CADM2: variants seen among roughly 807,000 people sequenced by gnomAD.
CADM2 encodes immunoglobulin superfamily member 4D.
Under a neutral mutation model 49.8 loss-of-function variants are expected in CADM2, and 12 were observed. The observed-to-expected ratio is 0.24, with a 90% CI of 0.15 to 0.39. CADM2 has a LOEUF of 0.39. Ranked by LOEUF, CADM2 falls within the 10% of genes least tolerant of loss-of-function variation. CADM2 has a pLI of 1.00. For synonymous variants in CADM2, 214 were observed against 175.4 expected, an observed-to-expected ratio of 1.22 and a Z score of -1.74; for missense variants, 378 against 492.3, an observed-to-expected ratio of 0.77 and a Z score of 2.20.
intron 1 of CADM2, among the ~76,000 whole-genome samples, chr3:85,392,960 C>T (rs184946082): frequency 1.7e-3 from 262 of 151,762 alleles, no homozygotes; most frequent in African/African-American, 5.8e-3. Context: ...ATTCCTTGCC[C>T]TATTTAGTGA....
In CADM2 at chr3:85,043,744, A is replaced by G. The variant is rs573126254; in HGVS notation, c.61+84076A>G. On this transcript the variant is annotated intron_variant, in intron 1 of 9. Coordinates refer to ENST00000383699, the MANE Select transcript of CADM2 (RefSeq NM_001167675.2). ...CCATATGTTTCTCCTTAAGTCCCCA[A>G]TACTGTCTTCCTTTTCTGGTCAAAT... 4.6e-5 allele frequency among the ~76,000 whole-genome samples: 7 copies of G among 152,140 alleles called. No individual in the cohort carries two copies. The East Asian group carries it at 5.8e-4, about 13-fold the overall frequency.
At chr3:85,204,302 T>A (rs2041578941) in intron 1 of CADM2, among the ~76,000 whole-genome samples, 1 of 152,148 alleles carries the variant, frequency 6.6e-6, no homozygotes, top group Non-Finnish European at 1.5e-5. Flanking sequence ...TCAAACCAAT[T>A]TTTTGTAGGA....
intron 8 of CADM2, among the ~76,000 whole-genome samples, chr3:86,056,325 C>T (rs1737986472): frequency 6.6e-6 from 1 of 152,132 alleles, no homozygotes; most frequent in Non-Finnish European, 1.5e-5. Flanking sequence ...CCTGCATTCA[C>T]CAGCAAAAAA....
intron 2 of CADM2, among the ~76,000 whole-genome samples, chr3:85,753,342 G>T (rs2068951342): frequency 6.6e-6 from 1 of 151,888 alleles, no homozygotes; most frequent in Non-Finnish European, 1.5e-5. Context: ...AAAGGTAAAA[G>T]AAAATAAGTA....
At chr3:85,320,566 C>T (rs1243064812) in intron 1 of CADM2, among the ~76,000 whole-genome samples, 1 of 152,104 alleles carries the variant, frequency 6.6e-6, no homozygotes, top group East Asian at 1.9e-4. Flanking sequence ...GTAGCAGATG[C>T]ACAACAGGCC....
At chr3:85,801,330 A>G (rs2072020323) in intron 2 of CADM2, among the ~76,000 whole-genome samples, 1 of 152,124 alleles carries the variant, frequency 6.6e-6, no homozygotes, top group African/African-American at 2.4e-5. Context: ...AAAAATATGT[A>G]TTTTTCTGAT....
At chr3:85,828,415 G>C (rs1458075022) in intron 3 of CADM2, among the ~76,000 whole-genome samples, 11 of 151,728 alleles carry the variant, frequency 7.2e-5, no homozygotes, top group Admixed American at 5.9e-4. Context: ...ACACCATATG[G>C]GAGAAAAGAG....
At chr3:85,364,516 A>C (rs887587929) in intron 1 of CADM2, among the ~76,000 whole-genome samples, 2 of 152,196 alleles carry the variant, frequency 1.3e-5, no homozygotes, top group Non-Finnish European at 2.9e-5. Context: ...CATTGTTTGT[A>C]ACCTTCAGAG....
chr3:85,685,477 T>C (rs998888710), intron 1 of CADM2, among the ~76,000 whole-genome samples: 1 of 152,212 alleles, frequency 6.6e-6, no homozygotes, highest in Admixed American at 6.5e-5. Context: ...GCAGAAGTTA[T>C]GTAGGAAATC....
chr3:85,319,578 TG>T (rs1421761524), intron 1 of CADM2, among the ~76,000 whole-genome samples: 1 of 151,946 alleles, frequency 6.6e-6, no homozygotes, highest in African/African-American at 2.4e-5. Context: ...ATAAAGAAAA[TG>T]TGGTACATAT....
chr3:84,969,571 A>C (rs1044408917), intron 1 of CADM2, among the ~76,000 whole-genome samples: 3 of 151,732 alleles, frequency 2.0e-5, no homozygotes. Flanking sequence ...TAATCTTGAC[A>C]CAACTCTTTA....
At chr3:85,223,872 G>T (rs114360188) in intron 1 of CADM2, among the ~76,000 whole-genome samples, 1 of 152,104 alleles carries the variant, frequency 6.6e-6, no homozygotes, top group East Asian at 1.9e-4. Flanking sequence ...CTCTTCTTGC[G>T]TTACTTTGCT....
chr3:85,132,618 A>G (rs1357165122), intron 1 of CADM2, among the ~76,000 whole-genome samples: 1 of 149,762 alleles, frequency 6.7e-6, no homozygotes, highest in African/African-American at 2.5e-5. Context: ...AATATAAACA[A>G]GGATATATTA....
chr3:85,380,108 C>T (rs1180274474), intron 1 of CADM2, among the ~76,000 whole-genome samples: 2 of 151,934 alleles, frequency 1.3e-5, no homozygotes, highest in Admixed American at 6.6e-5. Flanking sequence ...TTGGTTATCG[C>T]ATGCATATTA....
chr3:85,347,598 C>T (rs192312899), intron 1 of CADM2, among the ~76,000 whole-genome samples: 60,829 of 125,126 alleles, frequency 0.49, 14,877 homozygotes, highest in East Asian at 0.78. Flanking sequence ...CATATATATA[C>T]ATATATATAA....
intron 1 of CADM2, among the ~76,000 whole-genome samples, chr3:85,140,258 T>C (rs1358650986): frequency 1.3e-5 from 2 of 152,212 alleles, no homozygotes. Flanking sequence ...AGAAAATTTA[T>C]AGTTAGTAAT....
intron 2 of CADM2, among the ~76,000 whole-genome samples, chr3:85,787,475 G>A (rs1260702245): frequency 1.3e-5 from 2 of 152,030 alleles, no homozygotes; most frequent in African/African-American, 4.8e-5. Context: ...ATTCCTTGGT[G>A]TTGGACAAGG....
intron 1 of CADM2, among the ~76,000 whole-genome samples, chr3:84,980,086 T>C (rs888054298): frequency 2.0e-5 from 3 of 152,206 alleles, no homozygotes; most frequent in East Asian, 3.9e-4. Flanking sequence ...TTGATCATAA[T>C]CATACAAAGA....
chr3:86,027,158 A>G (rs1486170931), intron 8 of CADM2, among the ~76,000 whole-genome samples: 4 of 152,186 alleles, frequency 2.6e-5, no homozygotes, highest in Admixed American at 2.6e-4. Flanking sequence ...TTTTTAACTT[A>G]ATTGTTTAGT....
Sources: allele counts gnomAD v4.1 joint callset (sites outside exome capture counted in the v4.1 genomes callset), GRCh38; gene constraint gnomAD v4.1.1; transcripts MANE v1.5; gene names NCBI Gene and HGNC (gene_info 2026-07-23, HGNC 2026-07-21).